Variants in SRGAP1 observed in about 807,000 individuals in gnomAD.
The protein encoded by SRGAP1 is SLIT-ROBO Rho GTPase-activating protein 1.
SRGAP1 carries 43 observed loss-of-function variants against 121.9 expected under a neutral mutation model. The ratio of observed to expected loss-of-function variants is 0.35; its 90% CI spans 0.28 to 0.46. SRGAP1 has a LOEUF of 0.46. Among genes scored for constraint, SRGAP1 ranks in the 20% least tolerant of loss-of-function variants. SRGAP1 has a pLI of 1.00. For missense variants in SRGAP1, 1,102 were observed against 1,350.9 expected, an observed-to-expected ratio of 0.82 and a Z score of 2.89; for synonymous variants, 447 against 485.4, an observed-to-expected ratio of 0.92 and a Z score of 1.04.
In SRGAP1 at chr12:64,024,646, C is replaced by T. The variant is rs1258706597; in HGVS notation, c.489+7634C>T. On this transcript the variant is annotated intron_variant, in intron 4 of 21. Transcript: ENST00000355086. ...TAACTCCAGTATGCCTGTATTAGTC[C>T]GTTTTCACACTGCAATGAAGAAATA... 5.3e-5 allele frequency among the ~76,000 whole-genome samples: 8 copies of T among 152,018 alleles called. No homozygotes were observed. The East Asian group carries it at 7.7e-4, about 15-fold the overall frequency.
intron 3 of SRGAP1, among the ~76,000 whole-genome samples, chr12:64,013,704 AG>A (rs2034320744): frequency 6.6e-6 from 1 of 152,204 alleles, no homozygotes; most frequent in Admixed American, 6.5e-5. Context: ...CAGTTTCCTA[AG>A]GGATGTTTCA....
At chr12:63,848,874 G>A (rs1193193910) in intron 1 of SRGAP1, among the ~76,000 whole-genome samples, 2 of 152,060 alleles carry the variant, frequency 1.3e-5, no homozygotes, top group African/African-American at 4.8e-5. Context: ...CATGGACAGT[G>A]TATAAATTGA....
At chr12:63,971,141 A>G (rs2032936403) in intron 1 of SRGAP1, among the ~76,000 whole-genome samples, 1 of 152,132 alleles carries the variant, frequency 6.6e-6, no homozygotes, top group South Asian at 2.1e-4. Context: ...TGCTTTGCTG[A>G]TAGCTCCAGT....
At chr12:64,068,107 C>T (rs188382814) in intron 8 of SRGAP1, among the ~76,000 whole-genome samples, 19 of 151,528 alleles carry the variant, frequency 1.3e-4, no homozygotes, top group Admixed American at 3.3e-4. Flanking sequence ...GGTGAAACCC[C>T]GTCTCTACTA....
chr12:64,127,107 A>G (rs1187150712), intron 19 of SRGAP1, among the ~76,000 whole-genome samples: 4 of 152,232 alleles, frequency 2.6e-5, no homozygotes, highest in African/African-American at 9.6e-5. Context: ...CATGTAGCCT[A>G]GGTGTGCAAT....
Position 64,128,173 on chromosome 12 carries a change from G to A in SRGAP1, c.2853G>A (p.Lys951=). The A allele has an allele frequency of 1.2e-6, 2 of 1,612,084 alleles. No homozygotes were observed. The highest frequency in any genetic ancestry group is 1.7e-6 in the Non-Finnish European group (2 of 1,178,294). The change falls in exon 21 of 22, where the codon AAG becomes AAA. Residue 951 remains lysine (K), a synonymous_variant. Coordinates refer to ENST00000355086, the MANE Select transcript of SRGAP1 (RefSeq NM_020762.4). The part of the protein sequence containing the change: ...SGQYTGFNDH[K]PLDPETIAQD... ...AATACACGGGCTTCAATGACCACAA[G>A]CCACTGGACCCAGAGACAATTGCTC...
chr12:64,128,475 T>C (rs1284647396), intron 21 of SRGAP1, among the ~76,000 whole-genome samples: 2 of 152,124 alleles, frequency 1.3e-5, no homozygotes. Context: ...TCATTGTGAA[T>C]AGCCAGAAAA....
chr12:63,925,280 A>G (rs182509971), intron 1 of SRGAP1, among the ~76,000 whole-genome samples: 4 of 152,338 alleles, frequency 2.6e-5, no homozygotes, highest in Admixed American at 2.6e-4. Flanking sequence ...TTCAGCATCA[A>G]TGACTTAGTC....
chr12:63,883,985 T>G (rs1046611468), intron 1 of SRGAP1, among the ~76,000 whole-genome samples: 1 of 149,748 alleles, frequency 6.7e-6, no homozygotes, highest in African/African-American at 2.4e-5. Flanking sequence ...ATGCATGCAA[T>G]AAGGTGTAGG....
chr12:63,952,388 C>T (rs1284750719), intron 1 of SRGAP1, among the ~76,000 whole-genome samples: 2 of 152,082 alleles, frequency 1.3e-5, no homozygotes, highest in African/African-American at 2.4e-5. Context: ...TGGTGGTATG[C>T]ACCTACAGTC....
Position 64,029,923 on chromosome 12 carries a change from G to GAATAAATA in SRGAP1, c.490-12856_490-12849dup, listed in dbSNP as rs71434043. 3.8e-4 allele frequency among the ~76,000 whole-genome samples: 57 copies of GAATAAATA among 150,860 alleles called. No individual in the cohort carries two copies. In the South Asian group the frequency reaches 4.6e-3, roughly 12 times the overall value. ...ACTCCGTCTCAAAAAATAAATAAAT[G>GAATAAATA]AATAAATAAATAAATAAACAAAGCA... On this transcript the variant is annotated intron_variant, in intron 4 of 21. Coordinates refer to ENST00000355086, the MANE Select transcript of SRGAP1 (RefSeq NM_020762.4).
intron 11 of SRGAP1, among the ~76,000 whole-genome samples, chr12:64,087,826 C>CT (rs1222491612): frequency 6.6e-6 from 1 of 152,188 alleles, no homozygotes; most frequent in African/African-American, 2.4e-5. Context: ...TTTTGATTCA[C>CT]TTTAAACATT....
chr12:64,043,532 C>T lies in SRGAP1; in HGVS notation c.758C>T (p.Ser253Leu). Reference protein sequence around the residue: ...YLLTLEATNASVFKYYIHDLS... With the variant: ...YLLTLEATNALVFKYYIHDLS... ...CTAACACTTGAAGCCACCAATGCCT[C>T]AGTTTTCAAGTACTATATTCATGAT... The change falls in exon 6 of 22, where the codon TCA becomes TTA. Residue 253 changes from serine (S) to leucine (L), a missense_variant. Around this residue, in one of 3 missense-constraint regions of SRGAP1, gnomAD observed 747 missense variants for 929.4 expected, o/e 0.80. Coordinates refer to ENST00000355086, the MANE Select transcript of SRGAP1 (RefSeq NM_020762.4). 6.2e-7 allele frequency: 1 copy of T among 1,612,568 alleles called. No homozygotes were observed. The highest frequency in any genetic ancestry group is 8.5e-7 in the Non-Finnish European group (1 of 1,179,136).
chr12:63,890,951 T>C (rs1213712730), intron 1 of SRGAP1, among the ~76,000 whole-genome samples: 1 of 152,236 alleles, frequency 6.6e-6, no homozygotes, highest in Non-Finnish European at 1.5e-5. Context: ...GGTAGCCTTT[T>C]CTAAAGGAAG....
At chr12:64,055,632 C>T (rs1049480274) in intron 6 of SRGAP1, among the ~76,000 whole-genome samples, 4 of 152,018 alleles carry the variant, frequency 2.6e-5, no homozygotes, top group Non-Finnish European at 5.9e-5. Context: ...ACCAAAACAG[C>T]ATGGTACTGG....
chr12:63,985,624 G>A (rs1216494241), intron 2 of SRGAP1, among the ~76,000 whole-genome samples: 2 of 151,994 alleles, frequency 1.3e-5, no homozygotes, highest in Admixed American at 6.6e-5. Context: ...AATTTCTAGG[G>A]GCCAAAAAAA....
At chr12:63,989,357 T>C (rs551863975) in intron 2 of SRGAP1, among the ~76,000 whole-genome samples, 8 of 152,216 alleles carry the variant, frequency 5.3e-5, no homozygotes, top group South Asian at 2.1e-4. Context: ...CTTGAGACAA[T>C]GCAATAAAGT....
chr12:63,850,452 GAC>G (rs1899039380), intron 1 of SRGAP1, among the ~76,000 whole-genome samples: 1 of 148,602 alleles, frequency 6.7e-6, no homozygotes, highest in Non-Finnish European at 1.5e-5. Flanking sequence ...TTTTCTTCAA[GAC>G]AGGATCTTGC....
At chr12:64,105,555 A>G (rs1311127569) in intron 15 of SRGAP1, among the ~76,000 whole-genome samples, 1 of 152,128 alleles carries the variant, frequency 6.6e-6, no homozygotes, top group Non-Finnish European at 1.5e-5. Context: ...AGGCTGAGGC[A>G]GGCAGATCAC....
Sources: allele counts gnomAD v4.1 joint callset (sites outside exome capture counted in the v4.1 genomes callset), GRCh38; gene constraint gnomAD v4.1.1; regional missense constraint gnomAD v4.1.1; transcripts MANE v1.5; gene names NCBI Gene and HGNC (gene_info 2026-07-23, HGNC 2026-07-21).